FBXO31: variants seen among roughly 807,000 people sequenced by gnomAD.
The protein encoded by FBXO31 is F-box only protein 31.
FBXO31 carries 24 observed loss-of-function variants against 54.4 expected under a neutral mutation model. That is an observed-to-expected ratio of 0.44 (90% CI 0.32 to 0.62). The LOEUF is 0.62. Ranked by LOEUF, FBXO31 falls within the 20% of genes least tolerant of loss-of-function variation. The pLI is 0.05. For synonymous variants in FBXO31, 388 were observed against 335.6 expected, an observed-to-expected ratio of 1.16 and a Z score of -1.71; for missense variants, 665 against 787.1, an observed-to-expected ratio of 0.84 and a Z score of 1.86.
At position 87,346,881 on chromosome 16, in the gene FBXO31, A is replaced by C. The variant is rs536945378; in HGVS notation, c.489+293T>G. 6.6e-6 allele frequency among the ~76,000 whole-genome samples: 1 copy of C among 152,228 alleles called. No individual in the cohort carries two copies. Among genetic ancestry groups the C allele is most frequent in the Non-Finnish European group, 1.5e-5 (1 of 68,042 alleles). On this transcript the variant is annotated intron_variant, in intron 3 of 8. Transcript: ENST00000311635. The surrounding 1 kb of genome is among the most constrained non-coding windows in gnomAD (Gnocchi z 4.2). Reference sequence around the variant, plus strand: ...AGGGCGGGCTCCAGACCCCGCCAACATGTGCGCGATGGGCCTCAGCGTCCA... The same window carrying C: ...AGGGCGGGCTCCAGACCCCGCCAACCTGTGCGCGATGGGCCTCAGCGTCCA...
At position 87,338,744 on chromosome 16, in the gene FBXO31, G is replaced by A. The variant is rs868124907; in HGVS notation, c.733-2480C>T. 6.6e-6 allele frequency among the ~76,000 whole-genome samples: 1 copy of A among 152,096 alleles called. No homozygotes were observed. The highest frequency in any genetic ancestry group is 1.5e-5 in the Non-Finnish European group (1 of 68,022). On this transcript the variant is annotated intron_variant, in intron 5 of 8. Transcript: ENST00000311635. The surrounding 1 kb of genome is among the most constrained non-coding windows in gnomAD (Gnocchi z 4.3). ...TTGCCCTCGAAGCCTCCCCTGTCCA[G>A]AGCCTGGCCCCTCCAACCTCCCTGG...
chr16:87,331,413 C>T lies in FBXO31; in HGVS notation c.1495G>A (p.Val499Ile), dbSNP rs562737163. 9.9e-6 allele frequency: 16 copies of T among 1,613,726 alleles called. No individual in the cohort carries two copies. The highest frequency in any genetic ancestry group is 2.2e-5 in the South Asian group (2 of 91,078). ...ILFDEDRFGF[V>I]WLELKSFSLY... is the part of the protein sequence containing the mutation. ...CTGAAGGATTTCAGCTCCAGCCAGA[C>T]GAACCCGAAGCGGTCCTCATCGAAG... Residue 499 changes from valine (V) to isoleucine (I), a missense_variant, in exon 9 of 9, where the codon GTC becomes ATC. Around this residue, in one of 4 missense-constraint regions of FBXO31, gnomAD observed 71 missense variants for 105.8 expected, o/e 0.67. Transcript: ENST00000311635.
intron 1 of FBXO31, among the ~76,000 whole-genome samples, chr16:87,374,936 A>T (rs1247976998): frequency 1.3e-5 from 2 of 152,202 alleles, no homozygotes; most frequent in Admixed American, 1.3e-4. Context: ...TAATCCCAAC[A>T]CTTTGAGAGG....
upstream of FBXO31, among the ~76,000 whole-genome samples, chr16:87,390,921 A>C (rs1350051993): frequency 1.3e-5 from 2 of 152,112 alleles, no homozygotes; most frequent in African/African-American, 4.8e-5. Flanking sequence ...TGTATGATTC[A>C]AGCTTACAGT....
intron 2 of FBXO31, among the ~76,000 whole-genome samples, chr16:87,349,691 C>T (rs1285103810): frequency 3.4e-5 from 5 of 149,120 alleles, no homozygotes; most frequent in Non-Finnish European, 5.9e-5. Flanking sequence ...GCCTGGGCAA[C>T]AGAGCAAGAC....
intron 1 of FBXO31, among the ~76,000 whole-genome samples, chr16:87,376,491 T>A (rs1410807483): frequency 6.6e-6 from 1 of 152,080 alleles, no homozygotes; most frequent in African/African-American, 2.4e-5. Context: ...GCCAGGCTGG[T>A]CTCGAACTCC....
At chr16:87,382,726 G>A (rs1417226353) in intron 1 of FBXO31, among the ~76,000 whole-genome samples, 1 of 152,120 alleles carries the variant, frequency 6.6e-6, no homozygotes, top group Non-Finnish European at 1.5e-5. Flanking sequence ...TCCGCCTCCC[G>A]GGTTCAAGCC....
chr16:87,355,965 C>T (rs1280455525), intron 2 of FBXO31, among the ~76,000 whole-genome samples: 1 of 152,202 alleles, frequency 6.6e-6, no homozygotes, highest in Non-Finnish European at 1.5e-5. Flanking sequence ...CATGAGGAGC[C>T]TCTCAGTGCT....
rs555459864 is a variant in FBXO31 at position 87,346,572 on chromosome 16, C to T, written c.489+602G>A. Among the ~76,000 whole-genome samples, 6 of 152,328 alleles carry T rather than the reference C, an allele frequency of 3.9e-5. No individual in the cohort carries two copies. The South Asian group carries it at 1.2e-3, about 32-fold the overall frequency. Reference sequence around the variant, plus strand: ...GTCCTCACGGGTCCTCAGACCCCAACGGCAAGCAGGCTGCCGGGAGAAGGG... The same window carrying T: ...GTCCTCACGGGTCCTCAGACCCCAATGGCAAGCAGGCTGCCGGGAGAAGGG... On this transcript the variant is annotated intron_variant, in intron 3 of 8. Transcript: ENST00000311635. This position sits in a 1 kb window ranked among gnomAD's most constrained non-coding sequence, Gnocchi z 4.2.
intron 1 of FBXO31, among the ~76,000 whole-genome samples, chr16:87,372,173 G>A (rs924737002): frequency 3.9e-5 from 6 of 152,116 alleles, no homozygotes; most frequent in African/African-American, 7.2e-5. Context: ...GCAGTGAGCC[G>A]AGATCATGCC....
chr16:87,377,677 A>G (rs1906883100), intron 1 of FBXO31, among the ~76,000 whole-genome samples: 1 of 151,550 alleles, frequency 6.6e-6, no homozygotes, highest in Non-Finnish European at 1.5e-5. Context: ...TAATACAAAA[A>G]AATTAGCTGG....
intron 1 of FBXO31, among the ~76,000 whole-genome samples, chr16:87,379,636 C>T (rs1051590830): frequency 2.6e-5 from 4 of 152,180 alleles, no homozygotes; most frequent in African/African-American, 9.6e-5. Context: ...CACTGCATAC[C>T]TGTGTCTGAG....
At position 87,356,240 on chromosome 16, in the gene FBXO31, AAAAGAAAAGAAAG is replaced by A. The variant is rs1273527163; in HGVS notation, c.412+4042_412+4054del. Among the ~76,000 whole-genome samples, 12 of 151,716 alleles carry A rather than the reference AAAAGAAAAGAAAG, an allele frequency of 7.9e-5. No individual in the cohort carries two copies. In the East Asian group the frequency reaches 1.7e-3, roughly 22 times the overall value. ...TGAGACTCCATCTCAAAAAAAAAAA[AAAAGAAAAGAAAG>A]AAAGAAAAGAAAAGCCAGCACATTC... is the stretch of plus-strand genomic sequence containing the variant. On this transcript the variant is annotated intron_variant, in intron 2 of 8. Transcript: ENST00000311635.
intron 2 of FBXO31, among the ~76,000 whole-genome samples, chr16:87,354,033 C>T (rs1425494682): frequency 6.6e-6 from 1 of 152,238 alleles, no homozygotes; most frequent in South Asian, 2.1e-4. Flanking sequence ...GCGCCTGCTC[C>T]GCGTTCACCT....
upstream of FBXO31, among the ~76,000 whole-genome samples, chr16:87,391,154 C>T (rs967968425): frequency 9.2e-5 from 14 of 152,108 alleles, no homozygotes; most frequent in Non-Finnish European, 1.6e-4. Flanking sequence ...AGTTCAAGAC[C>T]AGCCCGGGCA....
At chr16:87,334,504 T>C (rs925530288) in intron 7 of FBXO31, among the ~76,000 whole-genome samples, 6 of 152,214 alleles carry the variant, frequency 3.9e-5, no homozygotes, top group African/African-American at 1.2e-4. Context: ...GGCTCATACC[T>C]GCTCAACTGC....
intron 1 of FBXO31, among the ~76,000 whole-genome samples, chr16:87,377,197 C>A (rs1419181499): frequency 6.6e-6 from 1 of 152,200 alleles, no homozygotes; most frequent in Non-Finnish European, 1.5e-5. Context: ...GTAATCCTAG[C>A]ACTTTGGGAG....
upstream of FBXO31, among the ~76,000 whole-genome samples, chr16:87,391,129 T>C (rs1250187070): frequency 6.6e-6 from 1 of 151,494 alleles, no homozygotes; most frequent in Non-Finnish European, 1.5e-5. Context: ...GGCGGGAGGG[T>C]TGCTTGAGGC....
chr16:87,390,996 G>T (rs1034308537), upstream of FBXO31, among the ~76,000 whole-genome samples: 4 of 143,778 alleles, frequency 2.8e-5, no homozygotes, highest in African/African-American at 9.8e-5. Flanking sequence ...CTTTTACAAA[G>T]TCAAAAGGAG....
Sources: gnomAD v4.1 joint callset for allele counts (sites outside exome capture counted in the v4.1 genomes callset) on GRCh38, gnomAD v4.1.1 for gene constraint, gnomAD v4.1.1 regional missense constraint, Gnocchi (gnomAD v3.1) non-coding constraint, MANE v1.5 for transcripts, NCBI Gene and HGNC (gene_info 2026-07-23, HGNC 2026-07-21) for gene names.